The following ABI3BP variants were observed in gnomAD, a reference collection of about 807,000 sequenced individuals.
ABI3BP encodes target of Nesh-SH3.
ABI3BP carries 216 observed loss-of-function variants against 268.6 expected under a neutral mutation model. The ratio of observed to expected loss-of-function variants is 0.80; its 90% CI spans 0.72 to 0.90. The LOEUF (loss-of-function observed/expected upper bound fraction) is 0.90, where lower values mean the gene tolerates loss of function less well. ABI3BP is among the 40% of genes least tolerant of loss of function. The pLI is 0.00. For synonymous variants in ABI3BP, 730 were observed against 730.0 expected, an observed-to-expected ratio of 1.00 and a Z score of 0.00; for missense variants, 2,090 against 2,182.4, an observed-to-expected ratio of 0.96 and a Z score of 0.84.
At chr3:100,894,768 C>T (rs774837753) in intron 4 of ABI3BP, among the ~76,000 whole-genome samples, 49 of 151,314 alleles carry the variant, frequency 3.2e-4, no homozygotes, top group South Asian at 1.9e-3. Context: ...TGAAACCCCA[C>T]CTGTACTAAA....
intron 58 of ABI3BP, among the ~76,000 whole-genome samples, chr3:100,778,911 G>A (rs928014435): frequency 6.6e-6 from 1 of 152,138 alleles, no homozygotes; most frequent in Non-Finnish European, 1.5e-5. Flanking sequence ...TAGATACCAA[G>A]AGATGACTGT....
intron 9 of ABI3BP, among the ~76,000 whole-genome samples, chr3:100,873,004 G>A (rs75029287): frequency 0.039 from 5,878 of 152,192 alleles, 164 homozygotes; most frequent in Non-Finnish European, 0.053. Context: ...TTCAAAAATT[G>A]TAAGTCTAAT....
chr3:100,879,246 C>T (rs138345232), intron 6 of ABI3BP, among the ~76,000 whole-genome samples: 1 of 152,282 alleles, frequency 6.6e-6, no homozygotes, highest in African/African-American at 2.4e-5. Context: ...CTTTTAAGTG[C>T]TTGGCATGGC....
intron 9 of ABI3BP, among the ~76,000 whole-genome samples, chr3:100,867,635 C>G (rs1393685689): frequency 1.6e-5 from 1 of 62,994 alleles, no homozygotes; most frequent in Non-Finnish European, 3.2e-5. Context: ...AGCGAGACCC[C>G]GTCTCAAAAA....
chr3:100,936,571 C>T (rs2066245693), intron 1 of ABI3BP, among the ~76,000 whole-genome samples: 1 of 151,686 alleles, frequency 6.6e-6, no homozygotes, highest in Non-Finnish European at 1.5e-5. Context: ...CTCTTTGTAC[C>T]TCTGGTAGAA....
At chr3:100,816,974 C>T (rs934530195) in intron 42 of ABI3BP, among the ~76,000 whole-genome samples, 2 of 152,130 alleles carry the variant, frequency 1.3e-5, no homozygotes, top group African/African-American at 4.8e-5. Flanking sequence ...AGTGAAGAGA[C>T]TCATACATCT....
intron 4 of ABI3BP, among the ~76,000 whole-genome samples, chr3:100,893,101 A>G (rs1482657004): frequency 6.6e-6 from 1 of 152,224 alleles, no homozygotes; most frequent in Non-Finnish European, 1.5e-5. Flanking sequence ...TGGAAGGACT[A>G]GACTGTCTGA....
chr3:100,788,052 A>G (rs1490552964), intron 56 of ABI3BP, among the ~76,000 whole-genome samples: 1 of 152,176 alleles, frequency 6.6e-6, no homozygotes, highest in Non-Finnish European at 1.5e-5. Flanking sequence ...GTAACTGGCA[A>G]GGGAATTTAT....
At chr3:100,957,970 A>G (rs2077398762) in intron 1 of ABI3BP, among the ~76,000 whole-genome samples, 1 of 152,224 alleles carries the variant, frequency 6.6e-6, no homozygotes, top group Admixed American at 6.5e-5. Context: ...ATGGCAAAAC[A>G]AGTGACACTG....
rs145856477 is a variant in ABI3BP at position 100,773,970 on chromosome 3, C to T, written c.4531+635G>A. On this transcript the variant is annotated intron_variant, in intron 61 of 67. Coordinates refer to ENST00000471714, the MANE Select transcript of ABI3BP (RefSeq NM_001375547.2). ...GAATAAGAGAAAGGGATTGCAAAGA[C>T]ACATGATGAAACTTTTGGAAGTTAT... is the stretch of plus-strand genomic sequence containing the variant. 3.4e-3 allele frequency among the ~76,000 whole-genome samples: 518 copies of T among 152,126 alleles called. 5 individuals are homozygous for T. Among genetic ancestry groups the T allele is most frequent in the Non-Finnish European group, 5.0e-3 (338 of 68,004 alleles).
At chr3:100,782,483 T>C (rs1467324847) in intron 57 of ABI3BP, among the ~76,000 whole-genome samples, 1 of 152,036 alleles carries the variant, frequency 6.6e-6, no homozygotes, top group Admixed American at 6.6e-5. Flanking sequence ...CTGGACTTTC[T>C]CCAGCCTTTA....
intron 2 of ABI3BP, 86 bp downstream of exon 2, chr3:100,926,216 T>C: frequency 1.4e-6 from 2 of 1,397,462 alleles, no homozygotes; most frequent in Non-Finnish European, 2.0e-6. Context: ...GAAAAAATAG[T>C]TCTTGACATC....
At chr3:100,886,786 A>T (rs1021199091) in intron 4 of ABI3BP, among the ~76,000 whole-genome samples, 1 of 151,982 alleles carries the variant, frequency 6.6e-6, no homozygotes, top group Non-Finnish European at 1.5e-5. Flanking sequence ...TGTAAAAAAA[A>T]GAACCTAAGA....
chr3:100,792,002 G>T (rs947791879), intron 55 of ABI3BP, among the ~76,000 whole-genome samples: 5 of 151,744 alleles, frequency 3.3e-5, no homozygotes, highest in Admixed American at 2.6e-4. Flanking sequence ...CCATCTGATA[G>T]AGGCAGAGAT....
chr3:100,966,156 T>C (rs2081226459), intron 1 of ABI3BP, among the ~76,000 whole-genome samples: 1 of 152,232 alleles, frequency 6.6e-6, no homozygotes, highest in African/African-American at 2.4e-5. Flanking sequence ...CACTAATTGT[T>C]TCCATAGTGC....
intron 9 of ABI3BP, among the ~76,000 whole-genome samples, chr3:100,871,630 C>T (rs2099110562): frequency 6.6e-6 from 1 of 152,202 alleles, no homozygotes; most frequent in Admixed American, 6.5e-5. Context: ...TTGCCTGCTG[C>T]CATCCATGTA....
chr3:100,970,376 C>T (rs1239250881), intron 1 of ABI3BP, among the ~76,000 whole-genome samples: 1 of 152,200 alleles, frequency 6.6e-6, no homozygotes, highest in Non-Finnish European at 1.5e-5. Flanking sequence ...GAAGTAGCTA[C>T]AGTTCCTTCC....
intron 14 of ABI3BP, among the ~76,000 whole-genome samples, chr3:100,859,837 G>A (rs1042308537): frequency 1.2e-4 from 19 of 152,074 alleles, no homozygotes; most frequent in African/African-American, 3.4e-4. Context: ...AACTACACCC[G>A]ATGATTCTTA....
intron 13 of ABI3BP, 114 bp from the exon 14 acceptor site, chr3:100,862,499 C>A: frequency 3.0e-6 from 2 of 669,040 alleles, no homozygotes; most frequent in Non-Finnish European, 5.2e-6. Flanking sequence ...TGCAGTATAC[C>A]AATACAATAA....
Sources: gnomAD v4.1 joint callset for allele counts (sites outside exome capture counted in the v4.1 genomes callset) on GRCh38, gnomAD v4.1.1 for gene constraint, MANE v1.5 for transcripts, NCBI Gene and HGNC (gene_info 2026-07-23, HGNC 2026-07-21) for gene names.